The following RGPD1 variants were observed in gnomAD, a reference collection of about 807,000 sequenced individuals.
RGPD1 encodes the protein RANBP2 like and GRIP domain containing 1, also known as RANBP2-like and GRIP domain-containing protein 1.
A neutral mutation model predicts 40.6 loss-of-function variants in RGPD1; 7 were observed. The observed-to-expected ratio is 0.17, with a 90% CI of 0.10 to 0.32. The LOEUF (loss-of-function observed/expected upper bound fraction) is 0.32. Ranked by LOEUF, RGPD1 falls within the 10% of genes least tolerant of loss-of-function variation. RGPD1 has a pLI of 1.00. For synonymous variants in RGPD1, 24 were observed against 167.0 expected (o/e 0.14, Z 6.60); for missense variants, 50 against 472.5 (o/e 0.11, Z 8.29).
At chr2:86,941,005 T>C (rs1679700763), upstream of RGPD1, among the ~76,000 whole-genome samples, 1 of 151,452 alleles carries the variant, frequency 6.6e-6, no homozygotes, top group Non-Finnish European at 1.5e-5. Context: ...CTGTTTTTCC[T>C]TTTTTAGAAA....
In RGPD1 at chr2:87,013,720, A is replaced by G. The variant is rs1167459396; in HGVS notation, c.*1173A>G. 1.3e-4 allele frequency: 2 copies of G among 15,150 alleles called. No homozygotes were observed. The highest frequency in any genetic ancestry group is 2.3e-3 in the East Asian group (1 of 436). 0.9% of individuals were successfully genotyped at this position (15,150 alleles called of 1,614,324 possible). A position where few individuals can be genotyped will look rare whatever the true frequency, so the allele number is the denominator to read the frequency against. On this transcript the variant is annotated 3_prime_UTR_variant, in exon 23 of 23. Coordinates refer to ENST00000641458, the MANE Select transcript of RGPD1 (RefSeq NM_001382344.1). ...ACTCAACCAACTCACCAGTTAGACA[A>G]TGGGCCCTCTCCTGTGTTTAAAACA...
chr2:86,942,280 T>C lies in RGPD1; in HGVS notation c.44T>C (p.Val15Ala). 2.5e-6 allele frequency: 4 copies of C among 1,605,704 alleles called. No individual in the cohort carries two copies. The highest frequency in any genetic ancestry group is 2.5e-6 in the Non-Finnish European group (3 of 1,177,368). ...KAYGERYVAS[V>A]QGSAPSPGKK... ...TACGGGGAGCGGTACGTCGCCTCGG[T>C]GCAGGGCTCCGCCCCGTCGCCTGGA... The change falls in exon 1 of 23, where the codon GTG becomes GCG. Residue 15 changes from valine to alanine, a missense_variant. Coordinates refer to ENST00000641458, the MANE Select transcript of RGPD1 (RefSeq NM_001382344.1).
Position 86,925,944 on chromosome 2 carries a change from T to C in RGPD1, c.72+12023T>C, listed in dbSNP as rs182901252. Among the ~76,000 whole-genome samples, 1,033 of 152,262 alleles carry C rather than the reference T, an allele frequency of 6.8e-3. 5 individuals carry two copies. The highest frequency in any genetic ancestry group is 0.011 in the Non-Finnish European group (766 of 68,014). ...AATAATTAAAAAAATCCATTTAGTG[T>C]ACTTTCCTTTAAATATTTTCACACC... On this transcript the variant is annotated intron_variant, in intron 1 of 22. Transcript: ENST00000398193.
chr2:86,930,674 C>T, intron 1 of RGPD1: 2 of 1,610,324 alleles, frequency 1.2e-6, no homozygotes, highest in Admixed American at 3.3e-5. Flanking sequence ...CTCCTGGGCA[C>T]AGCTCTCGAA....
At chr2:86,942,051 C>G (rs1435024890), upstream of RGPD1, among the ~76,000 whole-genome samples, 6 of 151,514 alleles carry the variant, frequency 4.0e-5, no homozygotes, top group Non-Finnish European at 5.9e-5. Context: ...GCCAAGAGCC[C>G]GGCCGAGTGC....
At chr2:86,942,541 GCGGCGGCGGCGGCCTCGACGTGGCC>G (rs1185735902) in intron 1 of RGPD1, among the ~76,000 whole-genome samples, 8 of 67,160 alleles carry the variant, frequency 1.2e-4, no homozygotes, top group South Asian at 6.1e-4. Flanking sequence ...ACCTGGCCGG[GCGGCGGCGGCGGCCTCGACGTGGCC>G]CGGCGGCGGC....
chr2:86,925,614 T>C (rs559170959), intron 1 of RGPD1, among the ~76,000 whole-genome samples: 1 of 152,350 alleles, frequency 6.6e-6, no homozygotes, highest in East Asian at 1.9e-4. Context: ...GCATATTGTA[T>C]ATACAGGAAA....
chr2:86,923,035 T>A (rs1279602968), intron 1 of RGPD1, among the ~76,000 whole-genome samples: 3 of 31,042 alleles, frequency 9.7e-5, no homozygotes, highest in Admixed American at 6.9e-4. Context: ...GTATATTCCT[T>A]TTTTTTTTTT....
chr2:86,939,817 C>T (rs1232407854), upstream of RGPD1, among the ~76,000 whole-genome samples: 1 of 83,824 alleles, frequency 1.2e-5, no homozygotes, highest in Non-Finnish European at 2.3e-5. Flanking sequence ...TCACTGCAGC[C>T]TCCAACACCT....
intron 1 of RGPD1, among the ~76,000 whole-genome samples, chr2:86,928,364 G>A (rs1678656345): frequency 6.6e-6 from 1 of 152,116 alleles, no homozygotes; most frequent in South Asian, 2.1e-4. Context: ...AATTAGAGGG[G>A]TAATAGGCAA....
intron 22 of RGPD1, among the ~76,000 whole-genome samples, chr2:87,009,260 G>A (rs1331796809): frequency 4.4e-5 from 1 of 22,504 alleles, no homozygotes; most frequent in Non-Finnish European, 9.4e-5. Context: ...AGCTGAGATC[G>A]TGCCACTGCA....
At chr2:86,931,097 CTA>C (rs1460099686) in intron 1 of RGPD1, among the ~76,000 whole-genome samples, 2 of 115,364 alleles carry the variant, frequency 1.7e-5, no homozygotes, top group African/African-American at 7.0e-5. Context: ...TTATAAATGA[CTA>C]GAAGTTTTAA....
intron 1 of RGPD1, among the ~76,000 whole-genome samples, chr2:86,918,123 A>G (rs1486609733): frequency 6.6e-6 from 1 of 150,808 alleles, no homozygotes; most frequent in Admixed American, 6.6e-5. Flanking sequence ...GGATGTGAAG[A>G]GGAAGGTTTG....
At chr2:86,942,610 C>T (rs1269163073) in intron 1 of RGPD1, among the ~76,000 whole-genome samples, 4 of 137,158 alleles carry the variant, frequency 2.9e-5, no homozygotes, top group Non-Finnish European at 6.4e-5. Context: ...TCCCGACGGG[C>T]GCTGCTCCCT....
chr2:86,913,890 C>T (rs767660306), exon 1 of RGPD1: 18 of 1,573,840 alleles, frequency 1.1e-5, no homozygotes, highest in African/African-American at 2.7e-5. Context: ...TACCTCGCCT[C>T]GGTGCAGGGC....
intron 1 of RGPD1, chr2:86,914,018 G>GGGCGGCGGCGGC (rs1166296390): frequency 6.0e-6 from 2 of 333,672 alleles, no homozygotes; most frequent in African/African-American, 1.6e-4. Flanking sequence ...CGGCCTGGCC[G>GGGCGGCGGCGGC]GGCGGCGGCG....
intron 1 of RGPD1, among the ~76,000 whole-genome samples, chr2:86,926,981 A>ATAAAACCTTGGTACTGTTCCTGATC (rs1336338034): frequency 2.0e-5 from 3 of 152,184 alleles, no homozygotes; most frequent in Non-Finnish European, 4.4e-5. Flanking sequence ...TTCATTTTGA[A>ATAAAACCTTGGTACTGTTCCTGATC]TAAAACCTTG....
intron 1 of RGPD1, among the ~76,000 whole-genome samples, chr2:86,923,429 T>G (rs1418375785): frequency 6.6e-6 from 1 of 151,694 alleles, no homozygotes; most frequent in African/African-American, 2.4e-5. Context: ...GTTTACAGTT[T>G]GATCAGTTTT....
chr2:86,941,777 C>T (rs1256708138), upstream of RGPD1, among the ~76,000 whole-genome samples: 3 of 150,110 alleles, frequency 2.0e-5, no homozygotes, highest in African/African-American at 7.5e-5. Context: ...GTGGCGCGAT[C>T]TCAGCTCACT....
Sources: allele counts gnomAD v4.1 joint callset (sites outside exome capture counted in the v4.1 genomes callset), GRCh38; gene constraint gnomAD v4.1.1; transcripts MANE v1.5; gene names NCBI Gene and HGNC (gene_info 2026-07-23, HGNC 2026-07-21).